Variants in GNPDA2 observed in about 807,000 individuals in gnomAD.
GNPDA2 encodes glucosamine-6-phosphate deaminase 2.
A neutral mutation model predicts 27.0 loss-of-function variants in GNPDA2; 24 were observed. The ratio of observed to expected loss-of-function variants is 0.89; its 90% CI spans 0.64 to 1.25. The LOEUF is 1.25. Among genes scored for constraint, GNPDA2 ranks in the 50% most tolerant of loss-of-function variants. GNPDA2 has a pLI of 0.00. For synonymous variants in GNPDA2, 94 were observed against 108.4 expected, an observed-to-expected ratio of 0.87 and a Z score of 0.83; for missense variants, 286 against 335.1, an observed-to-expected ratio of 0.85 and a Z score of 1.14.
At chr4:44,714,013 C>G (rs1560360794) in intron 4 of GNPDA2, among the ~76,000 whole-genome samples, 1 of 151,752 alleles carries the variant, frequency 6.6e-6, no homozygotes, top group Non-Finnish European at 1.5e-5. Context: ...CTCTTGTTGC[C>G]CAGGCTGGAG....
At position 44,703,096 on chromosome 4, in the gene GNPDA2, C is replaced by G. The variant is rs758277947; in HGVS notation, c.816G>C (p.Met272Ile). ...HNKLVDPLFS[M>I]KDGN is the part of the protein sequence containing the mutation. ...CCAGTCTCCTTCAGTTTCCATCTTTCATACTGAATAGTGGATCCACAAGTT... is the reference window on the plus strand; with the variant it reads ...CCAGTCTCCTTCAGTTTCCATCTTTGATACTGAATAGTGGATCCACAAGTT... The change falls in exon 7 of 7, where the codon ATG becomes ATC. Residue 272 changes from methionine to isoleucine, a missense_variant. Met to Ile is a conservative substitution (Grantham distance 10). Transcript: ENST00000295448. The G allele has an allele frequency of 6.2e-7, 1 of 1,612,074 alleles. No homozygotes were observed. Among genetic ancestry groups the G allele is most frequent in the Non-Finnish European group, 8.5e-7 (1 of 1,178,998 alleles).
chr4:44,716,583 A>G (rs1215999167), intron 4 of GNPDA2, among the ~76,000 whole-genome samples: 1 of 151,944 alleles, frequency 6.6e-6, no homozygotes, highest in Admixed American at 6.6e-5. Flanking sequence ...GGAATTTATT[A>G]TGACAATTAT....
At chr4:44,718,467 T>C (rs1717457092) in intron 2 of GNPDA2, 57 bp from the exon 3 acceptor site, 2 of 533,020 alleles carry the variant, frequency 3.8e-6, no homozygotes, top group Non-Finnish European at 6.3e-6. Flanking sequence ...TTAAATAAAC[T>C]TTTTATTAAC....
chr4:44,704,107 C>A (rs1292524738), intron 6 of GNPDA2: 1 of 984,770 alleles, frequency 1.0e-6, no homozygotes, highest in Non-Finnish European at 1.2e-6. Context: ...GAAAGACCCA[C>A]TTTTAAGGGA....
rs186381637 is a variant in GNPDA2 at position 44,701,897 on chromosome 4, T to G, written c.*1184A>C. 1,767 of 980,474 alleles carry G rather than the reference T, an allele frequency of 1.8e-3. 1 individual carries two copies. Among genetic ancestry groups the G allele is most frequent in the Non-Finnish European group, 2.1e-3 (1,693 of 825,482 alleles). 60.7% of individuals were successfully genotyped at this position (980,474 alleles called of 1,614,324 possible). ...TATTTCATTAATTTATTTGCTATTT[T>G]AATATTTTAAGAAACTACATTTTAA... On this transcript the variant is annotated 3_prime_UTR_variant, in exon 7 of 7. Coordinates refer to ENST00000295448, the MANE Select transcript of GNPDA2 (RefSeq NM_138335.3).
At position 44,719,644 on chromosome 4, in the gene GNPDA2, G is replaced by A. The variant is rs568594815; in HGVS notation, c.125-1234C>T. Reference sequence around the variant, plus strand: ...CCTCTTCCTTTCTCGAAGGATAAGTGAATCTCTTCTCTCTTTTAGTGTCAA... The same window carrying A: ...CCTCTTCCTTTCTCGAAGGATAAGTAAATCTCTTCTCTCTTTTAGTGTCAA... On this transcript the variant is annotated intron_variant, in intron 2 of 6. Coordinates refer to ENST00000295448, the MANE Select transcript of GNPDA2 (RefSeq NM_138335.3). 2.0e-5 allele frequency among the ~76,000 whole-genome samples: 3 copies of A among 152,058 alleles called. No homozygotes were observed. The South Asian group carries it at 6.2e-4, about 32-fold the overall frequency.
intron 4 of GNPDA2, among the ~76,000 whole-genome samples, chr4:44,716,587 C>T (rs1717306406): frequency 6.6e-6 from 1 of 151,800 alleles, no homozygotes; most frequent in African/African-American, 2.4e-5. Flanking sequence ...TTTATTATGA[C>T]AATTATACAG....
intron 6 of GNPDA2, chr4:44,705,289 AG>A (rs1447683219): frequency 1.0e-6 from 1 of 983,348 alleles, no homozygotes; most frequent in Non-Finnish European, 1.2e-6. Flanking sequence ...TGTTTATTTA[AG>A]AATATTCAAT....
At position 44,702,583 on chromosome 4, in the gene GNPDA2, A is replaced by G. The variant is rs2109685740; in HGVS notation, c.*498T>C. 3.0e-6 allele frequency: 3 copies of G among 991,778 alleles called. No individual in the cohort carries two copies. Among genetic ancestry groups the G allele is most frequent in the Admixed American group, 1.2e-4 (2 of 16,284 alleles). The allele number at this position is 991,778 out of a possible 1,614,324, so 61.4% of individuals were successfully genotyped here. A position where few individuals can be genotyped will look rare whatever the true frequency, so the allele number is the denominator to read the frequency against. The stretch of plus-strand genomic sequence containing the variant: ...ATATAGCACAATTTTTGATGTCTAG[A>G]TGGTGCTGTAGGAAGATGACTAAGG... On this transcript the variant is annotated 3_prime_UTR_variant, in exon 7 of 7. Transcript: ENST00000295448.
Position 44,702,982 on chromosome 4 carries a change from A to G in GNPDA2, c.*99T>C, listed in dbSNP as rs1362102712. ...TCGAATGAAAAAATGACAATCTTCA[A>G]AATTCCCCATGTTTTGTCATATTGC... On this transcript the variant is annotated 3_prime_UTR_variant, in exon 7 of 7. Coordinates refer to ENST00000295448, the MANE Select transcript of GNPDA2 (RefSeq NM_138335.3). 1.3e-6 allele frequency: 2 copies of G among 1,560,168 alleles called. No individual in the cohort carries two copies. The highest frequency in any genetic ancestry group is 1.4e-5 in the African/African-American group (1 of 71,938).
chr4:44,721,990 G>T, intron 2 of GNPDA2, 94 bp downstream of exon 2: 2 of 945,446 alleles, frequency 2.1e-6, no homozygotes, highest in South Asian at 1.7e-5. Flanking sequence ...GCCAATAAAT[G>T]AATGGGGAAA....
At position 44,709,754 on chromosome 4, in the gene GNPDA2, A is replaced by G. The variant is rs114492952; in HGVS notation, c.594+1199T>C. Reference sequence around the variant, plus strand: ...TTTTAAGTCAAATGTAATTTTTAATAAATGAGGAAATTAGCCTGGGCAACA... The same window carrying G: ...TTTTAAGTCAAATGTAATTTTTAATGAATGAGGAAATTAGCCTGGGCAACA... On this transcript the variant is annotated intron_variant, in intron 5 of 6. Transcript: ENST00000295448. 7.9e-3 allele frequency among the ~76,000 whole-genome samples: 1,193 copies of G among 150,884 alleles called. 15 individuals carry two copies. The highest frequency in any genetic ancestry group is 0.028 in the African/African-American group (1,139 of 40,324).
At chr4:44,707,544 A>C (rs1716682347) in intron 6 of GNPDA2, 2 of 427,468 alleles carry the variant, frequency 4.7e-6, no homozygotes, top group Non-Finnish European at 8.1e-6. Context: ...TAGAGACTGA[A>C]GAGATTCTCT....
At chr4:44,706,481 T>A (rs1315040272) in intron 6 of GNPDA2, 1 of 151,956 alleles carries the variant, frequency 6.6e-6, no homozygotes, top group African/African-American at 2.4e-5. Context: ...CTATTTTCAG[T>A]GCTTGCCAAA....
chr4:44,702,819 T>G lies in GNPDA2; in HGVS notation c.*262A>C. 1 of 1,287,934 alleles carries G rather than the reference T, an allele frequency of 7.8e-7. No homozygotes were observed. Among genetic ancestry groups the G allele is most frequent in the Non-Finnish European group, 9.8e-7 (1 of 1,021,014 alleles). The allele number at this position is 1,287,934 out of a possible 1,614,324, so 79.8% of individuals were successfully genotyped here. ...ATGACTTTTTAAACAGGCAGACATT[T>G]CTATGCTGTTTTATAGGTGGCTATG... On this transcript the variant is annotated 3_prime_UTR_variant, in exon 7 of 7. Transcript: ENST00000295448.
At position 44,702,400 on chromosome 4, in the gene GNPDA2, G is replaced by C. The variant is rs906121823; in HGVS notation, c.*681C>G. On this transcript the variant is annotated 3_prime_UTR_variant, in exon 7 of 7. Transcript: ENST00000295448. ...CATAATTGTCAAGATACTTATATTA[G>C]GGACATGAACCCAAGTCGTTAAATA... The C allele has an allele frequency of 2.1e-5, 20 of 968,756 alleles. No individual in the cohort carries two copies. In the African/African-American group the frequency reaches 3.4e-4, roughly 16 times the overall value. The allele number at this position is 968,756 out of a possible 1,614,324, so 60.0% of individuals were successfully genotyped here.
At chr4:44,706,309 TAA>T (rs1716602867) in intron 6 of GNPDA2, 1 of 36,976 alleles carries the variant, frequency 2.7e-5, no homozygotes, top group South Asian at 7.6e-4. Context: ...AGAAATAATC[TAA>T]GTGTTAATAA....
chr4:44,718,696 G>A (rs575223938), intron 2 of GNPDA2, among the ~76,000 whole-genome samples: 1 of 151,872 alleles, frequency 6.6e-6, no homozygotes, highest in South Asian at 2.1e-4. Context: ...AAGATTAGAA[G>A]CTTCTAGAAT....
At position 44,701,899 on chromosome 4, in the gene GNPDA2, A is replaced by G; in HGVS notation, c.*1182T>C. The G allele has an allele frequency of 1.0e-6, 1 of 980,744 alleles. No individual in the cohort carries two copies. The highest frequency in any genetic ancestry group is 1.2e-6 in the Non-Finnish European group (1 of 825,728). 60.8% of individuals were successfully genotyped at this position (980,744 alleles called of 1,614,324 possible). A position where few individuals can be genotyped will look rare whatever the true frequency, so the allele number is the denominator to read the frequency against. ...TTTCATTAATTTATTTGCTATTTTA[A>G]TATTTTAAGAAACTACATTTTAATC... On this transcript the variant is annotated 3_prime_UTR_variant, in exon 7 of 7. Transcript: ENST00000295448.
Sources: gnomAD v4.1 joint callset for allele counts (sites outside exome capture counted in the v4.1 genomes callset) on GRCh38, gnomAD v4.1.1 for gene constraint, MANE v1.5 for transcripts, NCBI Gene and HGNC (gene_info 2026-07-23, HGNC 2026-07-21) for gene names.